Variants in NSMCE1 observed in about 807,000 individuals in gnomAD.
The protein encoded by NSMCE1 is non-structural maintenance of chromosomes element 1 homolog.
Under a neutral mutation model 29.6 loss-of-function variants are expected in NSMCE1, and 18 were observed. The observed-to-expected ratio is 0.61, with a 90% confidence interval of 0.42 to 0.90. The LOEUF (loss-of-function observed/expected upper bound fraction) is 0.90, where lower values mean the gene tolerates loss of function less well. Among genes scored for constraint, NSMCE1 ranks in the 40% least tolerant of loss-of-function variants. The pLI, the probability that NSMCE1 is intolerant of heterozygous loss-of-function variation, is 0.00. For synonymous variants in NSMCE1, 124 were observed against 133.4 expected (o/e 0.93, Z 0.49); for missense variants, 314 against 343.6 (o/e 0.91, Z 0.68).
chr16:27,246,765 C>T (rs1596685981), intron 2 of NSMCE1, among the ~76,000 whole-genome samples: 1 of 152,212 alleles, frequency 6.6e-6, no homozygotes, highest in South Asian at 2.1e-4. Context: ...GCTGGGATTA[C>T]AGGCATCAGC....
intron 7 of NSMCE1, 24 bp from the exon 8 acceptor site, chr16:27,225,260 G>A (rs2083676066): frequency 2.7e-6 from 4 of 1,466,902 alleles, no homozygotes; most frequent in Non-Finnish European, 3.8e-6. Flanking sequence ...AGGCAGGAAA[G>A]ACACAGTGAA....
chr16:27,240,155 G>T (rs928605568), intron 2 of NSMCE1, among the ~76,000 whole-genome samples: 1 of 152,098 alleles, frequency 6.6e-6, no homozygotes, highest in African/African-American at 2.4e-5. Flanking sequence ...TAAGCCCCAT[G>T]GGCTCCACAG....
intron 5 of NSMCE1, among the ~76,000 whole-genome samples, chr16:27,229,410 T>C (rs1326393907): frequency 6.6e-6 from 1 of 152,232 alleles, no homozygotes; most frequent in Non-Finnish European, 1.5e-5. Flanking sequence ...CCACCAGCTC[T>C]GGCTGTGCTC....
At chr16:27,245,675 G>A (rs766141597) in intron 2 of NSMCE1, among the ~76,000 whole-genome samples, 2 of 152,208 alleles carry the variant, frequency 1.3e-5, no homozygotes, top group Admixed American at 6.5e-5. Context: ...ACTGCCGGCT[G>A]TCAATTCTGT....
chr16:27,226,715 G>A lies in NSMCE1; in HGVS notation c.600+5C>T. On this transcript the variant is annotated splice_donor_5th_base_variant and intron_variant, in intron 6 of 7. Coordinates refer to ENST00000361439, the MANE Select transcript of NSMCE1 (RefSeq NM_145080.4). ...ATGAGCTCCCGTGCCCTGCCCTGCG[G>A]GTACCTGGATGAGGAGGCTGTGACA... 6.3e-7 allele frequency: 1 copy of A among 1,596,132 alleles called. No individual in the cohort carries two copies. Among genetic ancestry groups the A allele is most frequent in the Non-Finnish European group, 8.6e-7 (1 of 1,163,644 alleles).
At chr16:27,263,806 C>T (rs1345673703) in intron 1 of NSMCE1, among the ~76,000 whole-genome samples, 1 of 152,180 alleles carries the variant, frequency 6.6e-6, no homozygotes, top group Non-Finnish European at 1.5e-5. Flanking sequence ...CATCTTTTAT[C>T]TACTAAGTGA....
At chr16:27,243,207 G>T (rs2083912595) in intron 2 of NSMCE1, among the ~76,000 whole-genome samples, 1 of 152,136 alleles carries the variant, frequency 6.6e-6, no homozygotes, top group African/African-American at 2.4e-5. Context: ...ACACTATAGT[G>T]CAAACAAACA....
At chr16:27,254,456 T>G (rs186635997) in intron 2 of NSMCE1, among the ~76,000 whole-genome samples, 1 of 152,320 alleles carries the variant, frequency 6.6e-6, no homozygotes, top group East Asian at 1.9e-4. Context: ...TACCAAGGCA[T>G]CATGTGGCTC....
intron 1 of NSMCE1, among the ~76,000 whole-genome samples, chr16:27,266,785 C>T (rs1010539292): frequency 2.0e-5 from 3 of 151,800 alleles, no homozygotes; most frequent in East Asian, 3.9e-4. Context: ...TATATTTTCC[C>T]GGATAAACAG....
At chr16:27,240,206 A>T (rs755661419) in intron 2 of NSMCE1, among the ~76,000 whole-genome samples, 3 of 152,192 alleles carry the variant, frequency 2.0e-5, no homozygotes, top group African/African-American at 7.2e-5. Context: ...CCCCACCGTC[A>T]TCTCGTCTAT....
chr16:27,235,409 G>C lies in NSMCE1; in HGVS notation c.137-110C>G. On this transcript the variant is annotated intron_variant, in intron 2 of 7. Coordinates refer to ENST00000361439, the MANE Select transcript of NSMCE1 (RefSeq NM_145080.4). ...CTCAACGCAGGGGACAGCAACCCCA[G>C]ACATGGGTGGAGGCTGCAGCCTCTT... The C allele has an allele frequency of 4.1e-6, 5 of 1,224,348 alleles. No individual in the cohort carries two copies. The South Asian group carries it at 6.4e-5, about 16-fold the overall frequency. 75.8% of individuals were successfully genotyped at this position (1,224,348 alleles called of 1,614,324 possible). A position where few individuals can be genotyped will look rare whatever the true frequency, so the allele number is the denominator to read the frequency against.
intron 1 of NSMCE1, among the ~76,000 whole-genome samples, chr16:27,264,931 G>A (rs1316344696): frequency 6.6e-6 from 1 of 151,960 alleles, no homozygotes; most frequent in African/African-American, 2.4e-5. Context: ...AAATCAGCAT[G>A]GGAAACACAA....
At chr16:27,234,930 C>T (rs2083802499) in intron 3 of NSMCE1, among the ~76,000 whole-genome samples, 1 of 152,258 alleles carries the variant, frequency 6.6e-6, no homozygotes, top group South Asian at 2.1e-4. Flanking sequence ...AATCTGAAAA[C>T]CACTGAAGGC....
rs1200119787 is a variant in NSMCE1 at position 27,232,097 on chromosome 16, C to G, written c.483+904G>C. Among the ~76,000 whole-genome samples, 1 of 152,148 alleles carries G rather than the reference C, an allele frequency of 6.6e-6. No homozygotes were observed. The highest frequency in any genetic ancestry group is 1.5e-5 in the Non-Finnish European group (1 of 68,032). On this transcript the variant is annotated intron_variant, in intron 5 of 7. Coordinates refer to ENST00000361439, the MANE Select transcript of NSMCE1 (RefSeq NM_145080.4). This position sits in a 1 kb window ranked among gnomAD's most constrained non-coding sequence, Gnocchi z 4.5. ...TAACTCAGAACACAGACTTCCCCAA[C>G]CCAGACGCGAGCCTTCCTGAAAAGG...
intron 5 of NSMCE1, among the ~76,000 whole-genome samples, chr16:27,228,020 G>A (rs995494194): frequency 7.9e-5 from 12 of 152,056 alleles, no homozygotes; most frequent in East Asian, 1.9e-4. Flanking sequence ...CCCGACCTCA[G>A]GTGATCCGCC....
rs886543488 is a variant in NSMCE1, at chr16:27,232,890, C to G, written c.483+111G>C. On this transcript the variant is annotated intron_variant, in intron 5 of 7. Transcript: ENST00000361439. The surrounding 1 kb of genome is among the most constrained non-coding windows in gnomAD (Gnocchi z 4.5). ...GAATGCATGAAAGCAGATAAGGGAT[C>G]CGAGAAGGCCGGGCTCCTCAGACAT... 7 of 1,128,730 alleles carry G rather than the reference C, an allele frequency of 6.2e-6. No individual in the cohort carries two copies. In the African/African-American group the frequency reaches 9.3e-5, roughly 15 times the overall value. 69.9% of individuals were successfully genotyped at this position (1,128,730 alleles called of 1,614,324 possible).
chr16:27,236,275 C>T (rs1335315947), intron 2 of NSMCE1, among the ~76,000 whole-genome samples: 2 of 150,748 alleles, frequency 1.3e-5, no homozygotes, highest in South Asian at 4.2e-4. Context: ...GCGTTGTGTC[C>T]CTTTTATGCT....
chr16:27,258,601 G>C (rs2084112815), intron 1 of NSMCE1, among the ~76,000 whole-genome samples: 1 of 151,818 alleles, frequency 6.6e-6, no homozygotes, highest in Non-Finnish European at 1.5e-5. Flanking sequence ...CCTCCCTAAG[G>C]CCTAGTCTCT....
At chr16:27,266,199 C>T (rs1191369198) in intron 1 of NSMCE1, 1 of 152,512 alleles carries the variant, frequency 6.6e-6, no homozygotes, top group Non-Finnish European at 1.5e-5. Flanking sequence ...ATAGCAAGAT[C>T]CACTCTCAAC....
Sources: allele counts gnomAD v4.1 joint callset (sites outside exome capture counted in the v4.1 genomes callset), GRCh38; gene constraint gnomAD v4.1.1; non-coding constraint Gnocchi (gnomAD v3.1); transcripts MANE v1.5; gene names NCBI Gene and HGNC (gene_info 2026-07-23, HGNC 2026-07-21).